NFATC2: variants seen among roughly 807,000 people sequenced by gnomAD.
The protein encoded by NFATC2 is nuclear factor of activated T cells 2, also known as nuclear factor of activated T-cells, cytoplasmic 2.
A neutral mutation model predicts 87.3 loss-of-function variants in NFATC2; 22 were observed. That is an observed-to-expected ratio of 0.25 (90% CI 0.18 to 0.36). The LOEUF (loss-of-function observed/expected upper bound fraction) is 0.36, where lower values mean the gene tolerates loss of function less well. NFATC2 is among the 10% of genes least tolerant of loss of function. NFATC2 has a pLI of 1.00. For missense variants in NFATC2, 1,149 were observed against 1,259.1 expected (o/e 0.91, Z 1.32); for synonymous variants, 565 against 542.2 (o/e 1.04, Z -0.58).
chr20:51,536,437 G>C (rs1189537939), intron 1 of NFATC2, among the ~76,000 whole-genome samples: 1 of 152,148 alleles, frequency 6.6e-6, no homozygotes, highest in African/African-American at 2.4e-5. Context: ...GATCTCACTG[G>C]TCCAGGATGC....
chr20:51,469,636 A>G (rs1437524115), intron 5 of NFATC2, among the ~76,000 whole-genome samples: 3 of 152,162 alleles, frequency 2.0e-5, no homozygotes, highest in African/African-American at 7.2e-5. Context: ...ATCACCCTGG[A>G]TTAGGTCTAA....
chr20:51,441,685 C>G (rs1374876452), intron 6 of NFATC2, among the ~76,000 whole-genome samples: 1 of 136,538 alleles, frequency 7.3e-6, no homozygotes, highest in South Asian at 2.3e-4. Context: ...CCATTGCACT[C>G]CAGCCTGGAC....
chr20:51,411,302 C>CAGA (rs1235409326), intron 9 of NFATC2, among the ~76,000 whole-genome samples: 1 of 152,106 alleles, frequency 6.6e-6, no homozygotes, highest in African/African-American at 2.4e-5. Context: ...ATAGTAAAGA[C>CAGA]AGAAGCTTTT....
chr20:51,559,729 C>T (rs948017550), intron 1 of NFATC2, among the ~76,000 whole-genome samples: 2 of 152,242 alleles, frequency 1.3e-5, no homozygotes, highest in Non-Finnish European at 2.9e-5. Flanking sequence ...AGGAATTGAG[C>T]ACTCACTGTG....
intron 6 of NFATC2, among the ~76,000 whole-genome samples, chr20:51,449,440 A>G (rs996458218): frequency 3.0e-4 from 46 of 152,168 alleles, no homozygotes; most frequent in Admixed American, 2.0e-3. Flanking sequence ...TCGTTAATCC[A>G]GGAACTACAT....
Position 51,523,411 on chromosome 20 carries a change from G to T in NFATC2, c.830C>A (p.Pro277Gln). 1.2e-6 allele frequency: 2 copies of T among 1,608,922 alleles called. No homozygotes were observed. The highest frequency in any genetic ancestry group is 1.7e-5 in the Admixed American group (1 of 59,538). ...GGGTGCCACGTGAGATGAGGGCTGC[G>T]GCGAGGGGCTCCGGGAGCGCTGGGG... Reference protein sequence around the residue: ...ASPQRSRSPSPQPSSHVAPQD... With the variant: ...ASPQRSRSPSQQPSSHVAPQD... Residue 277 changes from proline to glutamine, a missense_variant, in exon 2 of 11, where the codon CCG becomes CAG. Pro to Gln is a moderately conservative substitution (Grantham distance 76). Coordinates refer to ENST00000371564, the MANE Select transcript of NFATC2 (RefSeq NM_012340.5). The surrounding 1 kb of genome is among the most constrained non-coding windows in gnomAD (Gnocchi z 6.9).
chr20:51,450,426 G>A (rs553582217), intron 6 of NFATC2, among the ~76,000 whole-genome samples: 2 of 152,278 alleles, frequency 1.3e-5, no homozygotes, highest in Middle Eastern at 3.4e-3. Context: ...GAGGCAGGAA[G>A]GTCACTGGAG....
chr20:51,530,859 C>T (rs1287249010), intron 1 of NFATC2, among the ~76,000 whole-genome samples: 3 of 152,144 alleles, frequency 2.0e-5, no homozygotes, highest in Non-Finnish European at 2.9e-5. Flanking sequence ...CTCCCAGGTC[C>T]CACAGAGTCC....
chr20:51,491,594 T>C (rs1191447558), intron 3 of NFATC2, among the ~76,000 whole-genome samples: 1 of 152,114 alleles, frequency 6.6e-6, no homozygotes, highest in African/African-American at 2.4e-5. Context: ...AGCGGCACCA[T>C]TACGTGCTAC....
chr20:51,457,996 C>T (rs1600779208), intron 5 of NFATC2, among the ~76,000 whole-genome samples: 1 of 152,042 alleles, frequency 6.6e-6, no homozygotes, highest in East Asian at 1.9e-4. Context: ...AGTGATCCTC[C>T]CACCTCAGCC....
At chr20:51,442,196 C>A (rs1428005668) in intron 6 of NFATC2, among the ~76,000 whole-genome samples, 2 of 152,106 alleles carry the variant, frequency 1.3e-5, no homozygotes, top group Non-Finnish European at 2.9e-5. Flanking sequence ...CTTTGGGAAG[C>A]CGAGGTGGGT....
intron 1 of NFATC2, among the ~76,000 whole-genome samples, chr20:51,554,652 T>C (rs1316931000): frequency 1.3e-5 from 2 of 152,224 alleles, no homozygotes; most frequent in African/African-American, 2.4e-5. Context: ...TAGCCCACTT[T>C]TCAGTTAAGG....
intron 6 of NFATC2, among the ~76,000 whole-genome samples, chr20:51,447,086 G>GAA (rs3838020): frequency 1.3e-3 from 202 of 151,164 alleles, no homozygotes; most frequent in Admixed American, 9.8e-3. Flanking sequence ...ACTTAATTTA[G>GAA]AAAAAAAAAA....
At chr20:51,538,613 G>A (rs953720636) in intron 1 of NFATC2, among the ~76,000 whole-genome samples, 20 of 152,194 alleles carry the variant, frequency 1.3e-4, no homozygotes, top group Admixed American at 1.2e-3. Flanking sequence ...TCCCCGTTGT[G>A]ACCCTAGGAT....
At chr20:51,441,500 G>A (rs965098336) in intron 6 of NFATC2, among the ~76,000 whole-genome samples, 3 of 152,048 alleles carry the variant, frequency 2.0e-5, no homozygotes, top group African/African-American at 4.8e-5. Flanking sequence ...TGGACCACCT[G>A]AGGTCAGGAG....
intron 9 of NFATC2, among the ~76,000 whole-genome samples, chr20:51,401,269 C>T (rs906273792): frequency 1.3e-5 from 2 of 151,632 alleles, no homozygotes; most frequent in African/African-American, 2.4e-5. Context: ...ACCTGGGAGG[C>T]GGAGGTTGCA....
At chr20:51,466,228 T>C (rs911539286) in intron 5 of NFATC2, among the ~76,000 whole-genome samples, 1 of 152,180 alleles carries the variant, frequency 6.6e-6, no homozygotes, top group Non-Finnish European at 1.5e-5. Flanking sequence ...AACTTTTGTA[T>C]TTTTAGTAGA....
chr20:51,425,436 C>T (rs1401432038), intron 9 of NFATC2, among the ~76,000 whole-genome samples: 1 of 152,192 alleles, frequency 6.6e-6, no homozygotes, highest in Non-Finnish European at 1.5e-5. Context: ...TGCCCACAGC[C>T]TCTGGGCCAC....
chr20:51,553,827 T>C (rs1160176531), intron 1 of NFATC2, among the ~76,000 whole-genome samples: 3 of 149,232 alleles, frequency 2.0e-5, no homozygotes, highest in African/African-American at 7.3e-5. Flanking sequence ...AGGGGCAGGG[T>C]GGGTAGGGCT....
Sources: gnomAD v4.1 joint callset for allele counts (sites outside exome capture counted in the v4.1 genomes callset) on GRCh38, gnomAD v4.1.1 for gene constraint, Gnocchi (gnomAD v3.1) non-coding constraint, MANE v1.5 for transcripts, NCBI Gene and HGNC (gene_info 2026-07-23, HGNC 2026-07-21) for gene names.